DNTTIP1: variants seen among roughly 807,000 people sequenced by gnomAD.
DNTTIP1 encodes the protein deoxynucleotidyltransferase terminal interacting protein 1, also known as deoxynucleotidyltransferase terminal-interacting protein 1.
Under a neutral mutation model 52.9 loss-of-function variants are expected in DNTTIP1, and 22 were observed. That is an observed-to-expected ratio of 0.42 (90% CI 0.30 to 0.59). The LOEUF is 0.59. Ranked by LOEUF, DNTTIP1 falls within the 20% of genes least tolerant of loss-of-function variation. The pLI, the probability that DNTTIP1 is intolerant of heterozygous loss-of-function variation, is 0.22. For missense variants in DNTTIP1, 286 were observed against 435.5 expected (o/e 0.66, Z 3.06); for synonymous variants, 136 against 155.1 (o/e 0.88, Z 0.92).
At chr20:45,800,646 C>T (rs1362713269) in intron 4 of DNTTIP1, among the ~76,000 whole-genome samples, 6 of 137,680 alleles carry the variant, frequency 4.4e-5, no homozygotes, top group Non-Finnish European at 6.1e-5. Flanking sequence ...TGCACTCCAG[C>T]CTGGGCGACA....
chr20:45,804,440 T>C (rs1372963393), intron 8 of DNTTIP1, among the ~76,000 whole-genome samples: 4 of 152,182 alleles, frequency 2.6e-5, no homozygotes, highest in Non-Finnish European at 5.9e-5. Context: ...CTGCCTGTAG[T>C]CTTGCCCCTT....
intron 2 of DNTTIP1, among the ~76,000 whole-genome samples, 159 bp downstream of exon 2, chr20:45,792,906 A>G (rs73306449): frequency 0.017 from 2,593 of 152,328 alleles, 73 homozygotes; most frequent in African/African-American, 0.058. Context: ...GTGATCTTGA[A>G]CTAGTCAAGT....
At chr20:45,794,040 A>C in intron 3 of DNTTIP1, 23 bp downstream of exon 3, 1 of 1,512,464 alleles carries the variant, frequency 6.6e-7, no homozygotes, top group Non-Finnish European at 9.0e-7. Flanking sequence ...CAGGATAAAA[A>C]ATAACAGGAG....
In DNTTIP1 at chr20:45,809,499, T is replaced by C. The variant is rs1157182768; in HGVS notation, c.795+314T>C. Among the ~76,000 whole-genome samples the C allele has an allele frequency of 6.6e-6, 1 of 152,224 alleles. No individual in the cohort carries two copies. The highest frequency in any genetic ancestry group is 1.5e-5 in the Non-Finnish European group (1 of 68,034). ...ACACAGTACTACTTTTTCCCACTAC[T>C]GCACCCACTGACAGATTTCACTCAT... On this transcript the variant is annotated intron_variant, in intron 11 of 12. Transcript: ENST00000372622. This position sits in a 1 kb window ranked among gnomAD's most constrained non-coding sequence, Gnocchi z 4.2.
chr20:45,792,149 A>G, intron 1 of DNTTIP1, 40 bp downstream of exon 1: 1 of 1,158,744 alleles, frequency 8.6e-7, no homozygotes. Flanking sequence ...CAGGCCGGGC[A>G]CGGCCTCGGG....
rs1981759145 is a variant in DNTTIP1, at chr20:45,809,639, CT to C, written c.795+456del. 6.6e-6 allele frequency among the ~76,000 whole-genome samples: 1 copy of C among 152,238 alleles called. No individual in the cohort carries two copies. Among genetic ancestry groups the C allele is most frequent in the African/African-American group, 2.4e-5 (1 of 41,450 alleles). On this transcript the variant is annotated intron_variant, in intron 11 of 12. Coordinates refer to ENST00000372622, the MANE Select transcript of DNTTIP1 (RefSeq NM_052951.3). The surrounding 1 kb of genome is among the most constrained non-coding windows in gnomAD (Gnocchi z 4.2). ...AATGTGTTTGCACACTTGGCAGCCC[CT>C]TCCAGATTTACCTCTACTTGAAGAG...
intron 5 of DNTTIP1, 32 bp downstream of exon 5, chr20:45,801,174 C>T (rs1406390523): frequency 7.5e-6 from 12 of 1,604,256 alleles, no homozygotes; most frequent in Non-Finnish European, 1.0e-5. Context: ...GGTATTGGAG[C>T]GGGAGGTCCT....
chr20:45,803,362 G>T lies in DNTTIP1; in HGVS notation c.587G>T (p.Arg196Leu), dbSNP rs369999087. 1.2e-6 allele frequency: 2 copies of T among 1,614,080 alleles called. No homozygotes were observed. Among genetic ancestry groups the T allele is most frequent in the Admixed American group, 1.7e-5 (1 of 60,016 alleles). Residue 196 changes from arginine to leucine, a missense_variant, in exon 8 of 13, where the codon CGC (arginine) becomes CTC (leucine). Physicochemically the swap from Arg to Leu is moderately radical, Grantham distance 102. Around this residue, in one of 2 missense-constraint regions of DNTTIP1, gnomAD observed 208 missense variants for 266.5 expected, o/e 0.78. Transcript: ENST00000372622. ...VWKPKSCEPI[R>L]REGPKWDPAR... ...AAACCAAAATCCTGTGAACCAATTC[G>T]CCGGGAAGGCCCCAAGGTATGATTA...
intron 4 of DNTTIP1, among the ~76,000 whole-genome samples, chr20:45,800,602 A>G (rs1981395806): frequency 1.3e-5 from 2 of 148,982 alleles, no homozygotes; most frequent in Admixed American, 1.3e-4. Flanking sequence ...TGAACCCAGG[A>G]GGCGGAGGTT....
rs1981351595 is a variant in DNTTIP1 at position 45,799,464 on chromosome 20, A to G, written c.373-1610A>G. Among the ~76,000 whole-genome samples the G allele has an allele frequency of 2.6e-5, 4 of 152,262 alleles. No individual in the cohort carries two copies. In the South Asian group the frequency reaches 8.3e-4, roughly 32 times the overall value. On this transcript the variant is annotated intron_variant, in intron 4 of 12. Coordinates refer to ENST00000372622, the MANE Select transcript of DNTTIP1 (RefSeq NM_052951.3). ...CCCATTCCATCCTTTTCTTTGTCAA[A>G]TGAGCCAGGTGTTCCCACCTTTGAG...
chr20:45,794,124 T>G, intron 3 of DNTTIP1, 107 bp downstream of exon 3: 1 of 600,016 alleles, frequency 1.7e-6, no homozygotes, highest in Non-Finnish European at 2.7e-6. Flanking sequence ...TATCTAAAGT[T>G]TTCCTTTCTT....
At chr20:45,795,725 G>C (rs1046934780) in intron 4 of DNTTIP1, among the ~76,000 whole-genome samples, 2 of 152,152 alleles carry the variant, frequency 1.3e-5, no homozygotes, top group Non-Finnish European at 2.9e-5. Flanking sequence ...CTTGAACCTG[G>C]GAGACAGAGG....
chr20:45,801,456 A>C lies in DNTTIP1; in HGVS notation c.496A>C (p.Lys166Gln), dbSNP rs763607803. ...CAHRGSPLPK[K>Q]RKGRPPGHIL... ...CCATCGAGGAAGCCCCCTTCCTAAA[A>C]AGGTAAACCATTTCCTTGTTTTGTT... is the stretch of plus-strand genomic sequence containing the variant. Residue 166 changes from lysine to glutamine, a missense_variant and splice_region_variant, in exon 6 of 13, where the codon AAG (lysine) becomes CAG (glutamine). Coordinates refer to ENST00000372622, the MANE Select transcript of DNTTIP1 (RefSeq NM_052951.3). The C allele has an allele frequency of 4.3e-6, 7 of 1,614,140 alleles. No individual in the cohort carries two copies. Among genetic ancestry groups the C allele is most frequent in the Non-Finnish European group, 5.9e-6 (7 of 1,180,024 alleles).
chr20:45,797,077 CATTT>C, intron 4 of DNTTIP1, among the ~76,000 whole-genome samples: 1 of 152,324 alleles, frequency 6.6e-6, no homozygotes, highest in African/African-American at 2.4e-5. Flanking sequence ...ATAATTCACA[CATTT>C]ATATCTCAGT....
At position 45,801,189 on chromosome 20, in the gene DNTTIP1, GC is replaced by G. The variant is rs757900446; in HGVS notation, c.441+48del. On this transcript the variant is annotated intron_variant, in intron 5 of 12. Transcript: ENST00000372622. ...GGTATTGGAGCGGGAGGTCCTTCAG[GC>G]TGGGAGGCAAGTGAAATATGTGGGC... 32 of 1,584,192 alleles carry G rather than the reference GC, an allele frequency of 2.0e-5. No homozygotes were observed. The South Asian group carries it at 3.5e-4, about 18-fold the overall frequency.
At chr20:45,800,728 T>TTTGGA (rs1981433456) in intron 4 of DNTTIP1, among the ~76,000 whole-genome samples, 1 of 38,062 alleles carries the variant, frequency 2.6e-5, no homozygotes, top group Non-Finnish European at 5.5e-5. Context: ...TATATATATA[T>TTTGGA]ATATATATAT....
In DNTTIP1 at chr20:45,795,487, C is replaced by T. The variant is rs779529856; in HGVS notation, c.372+44C>T. 2.4e-6 allele frequency: 3 copies of T among 1,234,216 alleles called. No homozygotes were observed. The Admixed American group carries it at 6.1e-5, about 25-fold the overall frequency. The allele number at this position is 1,234,216 out of a possible 1,614,324, so 76.5% of individuals were successfully genotyped here. A position where few individuals can be genotyped will look rare whatever the true frequency, so the allele number is the denominator to read the frequency against. ...AGAGATGCAGGCACAAGGTTTAGCTCTCGAGCCTCTGATAAGAAATGCGAT... is the reference window on the plus strand; with the variant it reads ...AGAGATGCAGGCACAAGGTTTAGCTTTCGAGCCTCTGATAAGAAATGCGAT... On this transcript the variant is annotated intron_variant, in intron 4 of 12. Coordinates refer to ENST00000372622, the MANE Select transcript of DNTTIP1 (RefSeq NM_052951.3).
At chr20:45,797,037 C>G (rs1300169669) in intron 4 of DNTTIP1, among the ~76,000 whole-genome samples, 2 of 152,150 alleles carry the variant, frequency 1.3e-5, no homozygotes, top group Non-Finnish European at 2.9e-5. Context: ...TTCATCTAGT[C>G]CTGTGGCTTG....
At chr20:45,805,666 G>T (rs1230782013) in intron 10 of DNTTIP1, among the ~76,000 whole-genome samples, 1 of 152,196 alleles carries the variant, frequency 6.6e-6, no homozygotes, top group African/African-American at 2.4e-5. Context: ...ACAATCAGAG[G>T]TTGAGAAAGG....
Sources: allele counts gnomAD v4.1 joint callset (sites outside exome capture counted in the v4.1 genomes callset), GRCh38; gene constraint gnomAD v4.1.1; regional missense constraint gnomAD v4.1.1; non-coding constraint Gnocchi (gnomAD v3.1); transcripts MANE v1.5; gene names NCBI Gene and HGNC (gene_info 2026-07-23, HGNC 2026-07-21).